Variants in RECQL4 observed in about 807,000 individuals in gnomAD.
The protein encoded by RECQL4 is ATP-dependent DNA helicase Q4.
Under a neutral mutation model 128.6 loss-of-function variants are expected in RECQL4, and 158 were observed. That is an observed-to-expected ratio of 1.23 (90% CI 1.08 to 1.40). The LOEUF is 1.40. RECQL4 is among the 40% of genes most tolerant of loss of function. The pLI, the probability that RECQL4 is intolerant of heterozygous loss-of-function variation, is 0.00. For synonymous variants in RECQL4, 996 were observed against 678.9 expected (o/e 1.47, Z -7.26); for missense variants, 2,293 against 1,649.8 (o/e 1.39, Z -6.75).
In RECQL4 at chr8:144,514,333, C is replaced by T. The variant is rs1416552093; in HGVS notation, c.1734G>A (p.Met578Ile). The T allele has an allele frequency of 1.2e-6, 2 of 1,607,640 alleles. No homozygotes were observed. Among genetic ancestry groups the T allele is most frequent in the South Asian group, 1.1e-5 (1 of 90,842 alleles). The change falls in exon 11 of 21, where the codon ATG (methionine) becomes ATA (isoleucine). Residue 578 changes from methionine (M) to isoleucine (I), a missense_variant. Coordinates refer to ENST00000617875, the MANE Select transcript of RECQL4 (RefSeq NM_004260.4). ...KIRAAQVHVLMLTPEALVGAG... is the reference protein window; with the variant it reads ...KIRAAQVHVLILTPEALVGAG... ...CCCCCACCAGTGCCTCAGGTGTCAG[C>T]ATCAGCACGTGTACCTGGGCTGCCC...
rs1828119581 is a variant in RECQL4, at chr8:144,515,973, C to G, written c.1131+15G>C. 6.2e-7 allele frequency: 1 copy of G among 1,610,570 alleles called. No individual in the cohort carries two copies. The highest frequency in any genetic ancestry group is 8.5e-7 in the Non-Finnish European group (1 of 1,178,318). On this transcript the variant is annotated intron_variant, in intron 5 of 20. Coordinates refer to ENST00000617875, the MANE Select transcript of RECQL4 (RefSeq NM_004260.4). Reference sequence around the variant, plus strand: ...AGGGAAAGGGAATGCCTGTCCTGGCCCGTCGCTGTCTTACCTGCTTGCGGA... The same window carrying G: ...AGGGAAAGGGAATGCCTGTCCTGGCGCGTCGCTGTCTTACCTGCTTGCGGA...
At position 144,513,918 on chromosome 8, in the gene RECQL4, A is replaced by C. The variant is rs1287265550; in HGVS notation, c.2058+10T>G. ...GGGCCCTGCAGGGTCCCCAGAGCACACACACCCACCTGGTCTGTGTCCCTG... is the reference window on the plus strand; with the variant it reads ...GGGCCCTGCAGGGTCCCCAGAGCACCCACACCCACCTGGTCTGTGTCCCTG... On this transcript the variant is annotated intron_variant, in intron 12 of 20. Transcript: ENST00000617875. 1 of 1,551,194 alleles carries C rather than the reference A, an allele frequency of 6.4e-7. No homozygotes were observed.
At position 144,514,298 on chromosome 8, in the gene RECQL4, A is replaced by G. The variant is rs772166765; in HGVS notation, c.1769T>C (p.Leu590Pro). 3.1e-6 allele frequency: 5 copies of G among 1,610,784 alleles called. No individual in the cohort carries two copies. The highest frequency in any genetic ancestry group is 4.2e-6 in the Non-Finnish European group (5 of 1,179,266). ...TGGAGGCAGCTGTGCGGCTGGAGGGAGGCCTCCCGCCCCCACCAGTGCCTC... is the reference window on the plus strand; with the variant it reads ...TGGAGGCAGCTGTGCGGCTGGAGGGGGGCCTCCCGCCCCCACCAGTGCCTC... ...TPEALVGAGG[L>P]PPAAQLPPVA... The change falls in exon 11 of 21, where the codon CTC becomes CCC. Residue 590 changes from leucine to proline, a missense_variant. Coordinates refer to ENST00000617875, the MANE Select transcript of RECQL4 (RefSeq NM_004260.4).
At position 144,516,393 on chromosome 8, in the gene RECQL4, G is replaced by A. The variant is rs1814998636; in HGVS notation, c.726C>T (p.Phe242=). The change falls in exon 5 of 21, where the codon TTC becomes TTT. Residue 242 remains phenylalanine (F), a synonymous_variant. Coordinates refer to ENST00000617875, the MANE Select transcript of RECQL4 (RefSeq NM_004260.4). ...AGSQGPEASA[F]QEVSIRVGSP... ...TCCCCACACGGATGCTGACTTCTTGGAAGGCTGAAGCCTCTGGGCCCTGGG... is the reference window on the plus strand; with the variant it reads ...TCCCCACACGGATGCTGACTTCTTGAAAGGCTGAAGCCTCTGGGCCCTGGG... 3 of 1,609,720 alleles carry A rather than the reference G, an allele frequency of 1.9e-6. No homozygotes were observed. The highest frequency in any genetic ancestry group is 2.5e-6 in the Non-Finnish European group (3 of 1,179,724).
At position 144,512,728 on chromosome 8, in the gene RECQL4, G is replaced by A. The variant is rs769613313; in HGVS notation, c.2799C>T (p.His933=). ...AGGTGGTCGCCAGCAGCTCCAGCCA[G>A]TGGTGTGGGTGCAGCTCCAGGTAGC... ...LLCYLELHPH[H]WLELLATTYT... is the part of the protein sequence containing the mutation. Residue 933 remains histidine, a synonymous_variant, in exon 16 of 21, where the codon CAC becomes CAT. Coordinates refer to ENST00000617875, the MANE Select transcript of RECQL4 (RefSeq NM_004260.4). 2.6e-5 allele frequency: 42 copies of A among 1,612,230 alleles called. No homozygotes were observed. The Middle Eastern group carries it at 2.1e-3, about 82-fold the overall frequency.
chr8:144,513,980 G>A lies in RECQL4; in HGVS notation c.2006C>T (p.Pro669Leu). Residue 669 changes from proline to leucine, a missense_variant, in exon 12 of 21, where the codon CCA (proline) becomes CTA (leucine). Physicochemically the swap from Pro to Leu is moderately conservative, Grantham distance 98. Coordinates refer to ENST00000617875, the MANE Select transcript of RECQL4 (RefSeq NM_004260.4). Reference sequence around the variant, plus strand: ...GGAAAGGTGCAGGTTGGTGGGAACTGGGGCTGGCCCGTGGAGGTCAGGCTC... The same window carrying A: ...GGAAAGGTGCAGGTTGGTGGGAACTAGGGCTGGCCCGTGGAGGTCAGGCTC... Reference protein sequence around the residue: ...AEEPDLHGPAPVPTNLHLSVS... With the variant: ...AEEPDLHGPALVPTNLHLSVS... 6.4e-7 allele frequency: 1 copy of A among 1,565,282 alleles called. No individual in the cohort carries two copies. The highest frequency in any genetic ancestry group is 8.7e-7 in the Non-Finnish European group (1 of 1,155,688).
Position 144,512,180 on chromosome 8 carries a change from A to AGGGCCTGGCGCTCCC in RECQL4, c.3185_3199dup (p.Arg1062_Ala1066dup), listed in dbSNP as rs1564789441. 7 of 1,611,660 alleles carry AGGGCCTGGCGCTCCC rather than the reference A, an allele frequency of 4.3e-6. No individual in the cohort carries two copies. The highest frequency in any genetic ancestry group is 1.7e-5 in the Admixed American group (1 of 59,950). Reference sequence around the variant, plus strand: ...CTGGAAGGTTCTGCGCAGACGGGCCAGGGCCTGGCGCTCCCGGGCCTGCAC... The same window carrying AGGGCCTGGCGCTCCC: ...CTGGAAGGTTCTGCGCAGACGGGCCAGGGCCTGGCGCTCCCGGGCCTGGCGCTCCCGGGCCTGCAC... On this transcript the variant is annotated inframe_insertion, in exon 18 of 21. Transcript: ENST00000617875.
rs33972310 is a variant in RECQL4, at chr8:144,512,557, G to T, written c.2890C>A (p.Pro964Thr). 5.0e-6 allele frequency: 8 copies of T among 1,612,532 alleles called. No individual in the cohort carries two copies. Among genetic ancestry groups the T allele is most frequent in the East Asian group, 2.2e-5 (1 of 44,880 alleles). Residue 964 changes from proline (P) to threonine (T), a missense_variant, in exon 17 of 21, where the codon CCC becomes ACC. Transcript: ENST00000617875. The part of the protein sequence containing the change: ...AQLQALAHRC[P>T]PLAVCLAQQL... ...TGGGCCAAGCACACAGCCAAAGGGGGACACCTGTGCCCAGGGAAAAAGGGA... is the reference window on the plus strand; with the variant it reads ...TGGGCCAAGCACACAGCCAAAGGGGTACACCTGTGCCCAGGGAAAAAGGGA...
In RECQL4 at chr8:144,513,656, A is replaced by G. The variant is rs747231726; in HGVS notation, c.2115T>C (p.Ile705=). 6.4e-7 allele frequency: 1 copy of G among 1,570,846 alleles called. No homozygotes were observed. Among genetic ancestry groups the G allele is most frequent in the Non-Finnish European group, 8.6e-7 (1 of 1,158,780 alleles). ...KRFQNLDSII[I]YCNRREDTER... Reference sequence around the variant, plus strand: ...CTGTGTCCTCGCGCCGGTTGCAGTAAATGATAATGGAATCGAGGTTTTGAA... The same window carrying G: ...CTGTGTCCTCGCGCCGGTTGCAGTAGATGATAATGGAATCGAGGTTTTGAA... Residue 705 remains isoleucine, a synonymous_variant, in exon 13 of 21, where the codon ATT becomes ATC. Coordinates refer to ENST00000617875, the MANE Select transcript of RECQL4 (RefSeq NM_004260.4).
rs1260068103 is a variant in RECQL4, at chr8:144,513,108, C to T, written c.2494G>A (p.Val832Met). ...GEDLRELRRH[V>M]HADSTDFLAV... is the part of the protein sequence containing the mutation. ...AGGAAGTCCGTGCTGTCGGCGTGCA[C>T]ATGTCTGCGCAGCTCTCGCAGGTCT... is the stretch of plus-strand genomic sequence containing the variant. Residue 832 changes from valine (V) to methionine (M), a missense_variant, in exon 15 of 21, where the codon GTG (valine) becomes ATG (methionine). By Grantham distance (21) the Val-to-Met change is conservative. Coordinates refer to ENST00000617875, the MANE Select transcript of RECQL4 (RefSeq NM_004260.4). 6.4e-7 allele frequency: 1 copy of T among 1,568,660 alleles called. No homozygotes were observed. The highest frequency in any genetic ancestry group is 8.7e-7 in the Non-Finnish European group (1 of 1,154,998).
rs776528292 is a variant in RECQL4, at chr8:144,516,488, C to T, written c.631G>A (p.Asp211Asn). 1 of 1,608,842 alleles carries T rather than the reference C, an allele frequency of 6.2e-7. No homozygotes were observed. The highest frequency in any genetic ancestry group is 8.5e-7 in the Non-Finnish European group (1 of 1,179,700). The change falls in exon 5 of 21, where the codon GAT becomes AAT. Residue 211 changes from aspartate (D) to asparagine (N), a missense_variant. Transcript: ENST00000617875. The stretch of plus-strand genomic sequence containing the variant: ...AGTTGTGATTCCTCTGAGCCTAGAT[C>T]AGGCCTGCAGGCTTTGGGGGCCCCC... ...FLGAPKACRP[D>N]LGSEESQLLI...
Position 144,515,369 on chromosome 8 carries a change from G to T in RECQL4, c.1347C>A (p.Thr449=). ...GCCCCAGGGAGTAGAGTGGCAGCAC[G>T]GTGGGGTCCAGGCTGGGCACCTCAG... ...PVPEVPSLDP[T]VLPLYSLGPS... The change falls in exon 7 of 21, where the codon ACC becomes ACA. Residue 449 remains threonine (T), a synonymous_variant. Transcript: ENST00000617875. 6.2e-7 allele frequency: 1 copy of T among 1,612,738 alleles called. No homozygotes were observed. The highest frequency in any genetic ancestry group is 1.1e-5 in the South Asian group (1 of 91,086).
rs368601097 is a variant in RECQL4 at position 144,516,056 on chromosome 8, G to A, written c.1063C>T (p.Arg355Trp). Residue 355 changes from arginine (R) to tryptophan (W), a missense_variant, in exon 5 of 21, where the codon CGG becomes TGG. By Grantham distance (101) the Arg-to-Trp change is moderately radical. Coordinates refer to ENST00000617875, the MANE Select transcript of RECQL4 (RefSeq NM_004260.4). ...LARHDRGNYVRLNMKQKHYVR... is the reference protein window; with the variant it reads ...LARHDRGNYVWLNMKQKHYVR... The stretch of plus-strand genomic sequence containing the variant: ...TAGTGTTTCTGCTTCATGTTGAGCC[G>A]TACGTAATTGCCCCTGTCATGGCGG... 67 of 1,612,532 alleles carry A rather than the reference G, an allele frequency of 4.2e-5. No individual in the cohort carries two copies. Among genetic ancestry groups the A allele is most frequent in the Non-Finnish European group, 4.9e-5 (58 of 1,179,844 alleles).
Position 144,512,848 on chromosome 8 carries a change from C to T in RECQL4, c.2754G>A (p.Glu918=), listed in dbSNP as rs1060501377. The T allele has an allele frequency of 7.5e-6, 12 of 1,605,000 alleles. No homozygotes were observed. Among genetic ancestry groups the T allele is most frequent in the Non-Finnish European group, 1.0e-5 (12 of 1,176,268 alleles). ...LTVQALDMPE[E]AIETLLCYLE... ...TGTGGCTTACCCCAGGTTCCTCACC[C>T]TCCTCCGGCATGTCCAAAGCCTGTA... is the stretch of plus-strand genomic sequence containing the variant. The change falls in exon 15 of 21, where the codon GAG becomes GAA. Residue 918 remains glutamate, a splice_region_variant and synonymous_variant. Transcript: ENST00000617875.
intron 15 of RECQL4, 35 bp from the exon 16 acceptor site, chr8:144,512,806 C>G (rs1827498590): frequency 6.2e-7 from 1 of 1,609,912 alleles, no homozygotes; most frequent in Non-Finnish European, 8.5e-7. Context: ...GACGCGGGGA[C>G]AGCCCCTCCA....
Position 144,517,153 on chromosome 8 carries a change from C to G in RECQL4, c.251G>C (p.Arg84Pro), listed in dbSNP as rs745596664. 9.3e-6 allele frequency: 15 copies of G among 1,610,318 alleles called. No homozygotes were observed. The highest frequency in any genetic ancestry group is 3.4e-6 in the Non-Finnish European group (4 of 1,179,228). ...AGACTGTGGACTCTTGGTCGCAGCC[C>G]GATTCAGATGGGGCCCCCAGCAGCG... ...EPRCWGPHLN[R>P]AATKSPQSTP... Residue 84 changes from arginine (R) to proline (P), a missense_variant, in exon 4 of 21, where the codon CGG (arginine) becomes CCG (proline). Physicochemically the swap from Arg to Pro is moderately radical, Grantham distance 103 (BLOSUM62 -2). Transcript: ENST00000617875.
chr8:144,513,081 C>A lies in RECQL4; in HGVS notation c.2521G>T (p.Ala841Ser), dbSNP rs1827559355. The A allele has an allele frequency of 6.3e-7, 1 of 1,576,630 alleles. No individual in the cohort carries two copies. Among genetic ancestry groups the A allele is most frequent in the South Asian group, 1.2e-5 (1 of 86,814 alleles). ...ACGCGCTGTACCAGCCTCTTCACAGCCAGGAAGTCCGTGCTGTCGGCGTGC... is the reference window on the plus strand; with the variant it reads ...ACGCGCTGTACCAGCCTCTTCACAGACAGGAAGTCCGTGCTGTCGGCGTGC... ...HVHADSTDFLAVKRLVQRVFP... is the reference protein window; with the variant it reads ...HVHADSTDFLSVKRLVQRVFP... The change falls in exon 15 of 21, where the codon GCT becomes TCT. Residue 841 changes from alanine (A) to serine (S), a missense_variant. By Grantham distance (99) the Ala-to-Ser change is moderately conservative (BLOSUM62 1). Coordinates refer to ENST00000617875, the MANE Select transcript of RECQL4 (RefSeq NM_004260.4).
intron 12 of RECQL4, 82 bp from the exon 13 acceptor site, chr8:144,513,794 GGGGAGTGAGGAGGGGTC>G: frequency 6.9e-7 from 1 of 1,442,376 alleles, no homozygotes; most frequent in Non-Finnish European, 9.3e-7. Flanking sequence ...GGGTCGGCGT[GGGGAGTGAGGAGGGGTC>G]GGCGTGGGCG....
At position 144,512,847 on chromosome 8, in the gene RECQL4, C is replaced by T. The variant is rs186739072; in HGVS notation, c.2755G>A (p.Ala919Thr). ...TVQALDMPEE[A>T]IETLLCYLEL... ...CTGTGGCTTACCCCAGGTTCCTCACCCTCCTCCGGCATGTCCAAAGCCTGT... is the reference window on the plus strand; with the variant it reads ...CTGTGGCTTACCCCAGGTTCCTCACTCTCCTCCGGCATGTCCAAAGCCTGT... Residue 919 changes from alanine to threonine, a missense_variant and splice_region_variant, in exon 15 of 21, where the codon GCC becomes ACC. By Grantham distance (58) the Ala-to-Thr change is moderately conservative (BLOSUM62 0). Coordinates refer to ENST00000617875, the MANE Select transcript of RECQL4 (RefSeq NM_004260.4). 132 of 1,605,072 alleles carry T rather than the reference C, an allele frequency of 8.2e-5. No homozygotes were observed. In the Admixed American group the frequency reaches 8.7e-4, roughly 11 times the overall value.
Sources: gnomAD v4.1 joint callset for allele counts on GRCh38, gnomAD v4.1.1 for gene constraint, MANE v1.5 for transcripts, NCBI Gene and HGNC (gene_info 2026-07-23, HGNC 2026-07-21) for gene names.